CIBAR2: variants seen among roughly 807,000 people sequenced by gnomAD.
The protein encoded by CIBAR2 is CBY1 interacting BAR domain containing 2, also known as CBY1-interacting BAR domain-containing protein 2.
In CIBAR2, 38 loss-of-function variants were observed where a neutral mutation model predicts 36.2. That is an observed-to-expected ratio of 1.05 (90% CI 0.81 to 1.38). CIBAR2 has a LOEUF of 1.38. CIBAR2 is among the 40% of genes most tolerant of loss of function. The pLI is 0.00. For synonymous variants in CIBAR2, 182 were observed against 149.5 expected (o/e 1.22, Z -1.58); for missense variants, 481 against 383.4 (o/e 1.25, Z -2.13).
Position 85,102,195 on chromosome 16 carries a change from C to T in CIBAR2, c.651+19G>A, listed in dbSNP as rs201718556. The T allele has an allele frequency of 8.1e-5, 111 of 1,368,564 alleles. No individual in the cohort carries two copies. In the African/African-American group the frequency reaches 1.4e-3, roughly 17 times the overall value. 84.8% of individuals were successfully genotyped at this position (1,368,564 alleles called of 1,614,324 possible). A position where few individuals can be genotyped will look rare whatever the true frequency, so the allele number is the denominator to read the frequency against. ...CTGCCCCACTCCACCATATAGGAAA[C>T]GGGGTGTCTGTGACTCACCAGTAGA... On this transcript the variant is annotated intron_variant, in intron 7 of 8. Coordinates refer to ENST00000539556, the MANE Select transcript of CIBAR2 (RefSeq NM_198491.3).
In CIBAR2 at chr16:85,105,451, AC is replaced by A; in HGVS notation, c.433-21del. 6.3e-7 allele frequency: 1 copy of A among 1,587,258 alleles called. No homozygotes were observed. The highest frequency in any genetic ancestry group is 8.7e-7 in the Non-Finnish European group (1 of 1,156,008). The stretch of plus-strand genomic sequence containing the variant: ...CTCTGCCTGGCCCCAGGGACACAAG[AC>A]GTAGAAAGTGTCATGGGGGTGCTTC... On this transcript the variant is annotated intron_variant, in intron 5 of 8. Coordinates refer to ENST00000539556, the MANE Select transcript of CIBAR2 (RefSeq NM_198491.3).
chr16:85,107,972 T>G (rs368454309), intron 3 of CIBAR2, 25 bp from the exon 4 acceptor site: 2 of 1,613,636 alleles, frequency 1.2e-6, no homozygotes, highest in East Asian at 2.2e-5. Flanking sequence ...GAGGGTTGTT[T>G]CCTGGGATCC....
In CIBAR2 at chr16:85,105,349, C is replaced by G; in HGVS notation, c.515G>C (p.Arg172Thr). ...CACCTGCAGGTCCTTGAGCTTCTGC[C>G]TCTGGAAGCCATCCACAGTCTCCTC... ...QLEETVDGFQ[R>T]QKLKDLQKFF... The change falls in exon 6 of 9, where the codon AGG (arginine) becomes ACG (threonine). Residue 172 changes from arginine to threonine, a missense_variant. Arg to Thr is a moderately conservative substitution (Grantham distance 71). Transcript: ENST00000539556. 6.2e-7 allele frequency: 1 copy of G among 1,613,434 alleles called. No homozygotes were observed. The highest frequency in any genetic ancestry group is 8.5e-7 in the Non-Finnish European group (1 of 1,179,868).
chr16:85,102,354 T>C, intron 6 of CIBAR2, 27 bp from the exon 7 acceptor site: 2 of 1,402,098 alleles, frequency 1.4e-6, no homozygotes, highest in Non-Finnish European at 2.0e-6. Flanking sequence ...CCAAAGAATG[T>C]AAGCATCGCA....
chr16:85,100,041 C>A, intron 8 of CIBAR2, 98 bp downstream of exon 8: 3 of 937,030 alleles, frequency 3.2e-6, no homozygotes, highest in Non-Finnish European at 4.8e-6. Flanking sequence ...AATTCGAGTT[C>A]TCAGCCACCC....
intron 1 of CIBAR2, among the ~76,000 whole-genome samples, chr16:85,112,018 GGT>G (rs2074046620): frequency 6.6e-6 from 1 of 152,220 alleles, no homozygotes; most frequent in Admixed American, 6.5e-5. Flanking sequence ...GGGGAGGCCT[GGT>G]TGGGGTTGAG....
At chr16:85,111,164 C>T (rs979330620) in intron 1 of CIBAR2, among the ~76,000 whole-genome samples, 2 of 152,118 alleles carry the variant, frequency 1.3e-5, no homozygotes, top group South Asian at 4.1e-4. Context: ...TGTAACTGTC[C>T]CTGCCTCTCT....
At chr16:85,100,343 C>G in intron 7 of CIBAR2, 103 bp from the exon 8 acceptor site, 1 of 680,158 alleles carries the variant, frequency 1.5e-6, no homozygotes, top group Admixed American at 2.4e-5. Context: ...CCCGAGACAG[C>G]TAATGCTCAT....
rs2073943940 is a variant in CIBAR2, at chr16:85,100,149, A to G, written c.743T>C (p.Leu248Pro). 6.2e-7 allele frequency: 1 copy of G among 1,609,954 alleles called. No individual in the cohort carries two copies. The highest frequency in any genetic ancestry group is 8.5e-7 in the Non-Finnish European group (1 of 1,178,416). Residue 248 changes from leucine (L) to proline (P), a missense_variant, in exon 8 of 9, where the codon CTC (leucine) becomes CCC (proline). Physicochemically the swap from Leu to Pro is moderately conservative, Grantham distance 98. Coordinates refer to ENST00000539556, the MANE Select transcript of CIBAR2 (RefSeq NM_198491.3). Reference sequence around the variant, plus strand: ...CACCCACACGCTCACCTGGCTGGCGAGAGACTGAAGAACAGATGGAGGGGG... The same window carrying G: ...CACCCACACGCTCACCTGGCTGGCGGGAGACTGAAGAACAGATGGAGGGGG... Reference protein sequence around the residue: ...TSPPPSVLQSLASQGTLQVQL... With the variant: ...TSPPPSVLQSPASQGTLQVQL...
chr16:85,112,097 A>T (rs930456831), intron 1 of CIBAR2, among the ~76,000 whole-genome samples: 5 of 152,188 alleles, frequency 3.3e-5, no homozygotes, highest in African/African-American at 1.2e-4. Flanking sequence ...CTCCAGATAC[A>T]CAGGCAGCGA....
At chr16:85,105,200 G>A (rs974297240) in intron 6 of CIBAR2, 127 bp downstream of exon 6, 146 of 581,346 alleles carry the variant, frequency 2.5e-4, no homozygotes, top group Non-Finnish European at 4.1e-4. Context: ...GCCTTCCAGT[G>A]CTCACACGTG....
Position 85,110,391 on chromosome 16 carries a change from C to T in CIBAR2, c.90G>A (p.Ser30=), listed in dbSNP as rs766643279. ...NTEKYFGQFC[S]LLAAYTRKTA... ...TCTTGCGCGTGTAGGCGGCCAGCAG[C>T]GAGCAGAACTGCCCAAAGTACTTCT... The change falls in exon 2 of 9, where the codon TCG becomes TCA. Residue 30 remains serine (S), a synonymous_variant. Transcript: ENST00000539556. 7.4e-6 allele frequency: 12 copies of T among 1,613,368 alleles called. No homozygotes were observed. Among genetic ancestry groups the T allele is most frequent in the East Asian group, 4.5e-5 (2 of 44,890 alleles).
intron 8 of CIBAR2, 81 bp from the exon 9 acceptor site, chr16:85,099,427 C>T: frequency 1.2e-6 from 1 of 828,860 alleles, no homozygotes; most frequent in Admixed American, 2.0e-5. Context: ...TAATCACCTC[C>T]CTAACCTCTG....
At chr16:85,108,956 G>A (rs571741086) in intron 2 of CIBAR2, among the ~76,000 whole-genome samples, 149 of 152,226 alleles carry the variant, frequency 9.8e-4, no homozygotes, top group Non-Finnish European at 1.2e-3. Flanking sequence ...GCCAGGAGCC[G>A]TCTCTGTGAA....
chr16:85,106,633 C>A (rs781586978), intron 5 of CIBAR2, among the ~76,000 whole-genome samples: 7 of 152,152 alleles, frequency 4.6e-5, no homozygotes, highest in African/African-American at 1.7e-4. Flanking sequence ...AAGGCGAGGG[C>A]GCAGACTCTC....
chr16:85,108,131 C>T (rs771127629), intron 2 of CIBAR2, 32 bp from the exon 3 acceptor site: 32 of 1,581,830 alleles, frequency 2.0e-5, no homozygotes, highest in Non-Finnish European at 2.4e-5. Flanking sequence ...GGGATCTGAG[C>T]GCAGGGTGCT....
intron 5 of CIBAR2, among the ~76,000 whole-genome samples, chr16:85,105,689 C>G (rs375481161): frequency 6.6e-6 from 1 of 152,290 alleles, no homozygotes; most frequent in African/African-American, 2.4e-5. Flanking sequence ...GCCTCAATTT[C>G]CATGCTTGTA....
At chr16:85,108,419 T>A (rs527547716) in intron 2 of CIBAR2, among the ~76,000 whole-genome samples, 5 of 151,910 alleles carry the variant, frequency 3.3e-5, no homozygotes, top group Non-Finnish European at 7.4e-5. Flanking sequence ...ACTCAGGGAG[T>A]GTCATCACTG....
intron 8 of CIBAR2, 95 bp from the exon 9 acceptor site, chr16:85,099,441 A>G: frequency 1.3e-6 from 1 of 759,732 alleles, no homozygotes; most frequent in Admixed American, 2.2e-5. Context: ...ACCTCTGAGG[A>G]ACCCTGGATT....
Sources: allele counts gnomAD v4.1 joint callset (sites outside exome capture counted in the v4.1 genomes callset), GRCh38; gene constraint gnomAD v4.1.1; transcripts MANE v1.5; gene names NCBI Gene and HGNC (gene_info 2026-07-23, HGNC 2026-07-21).